Variants in PLCZ1 observed in about 807,000 individuals in gnomAD.
PLCZ1 encodes 1-phosphatidylinositol 4,5-bisphosphate phosphodiesterase zeta-1.
Under a neutral mutation model 76.8 loss-of-function variants are expected in PLCZ1, and 64 were observed. That is an observed-to-expected ratio of 0.83 (90% confidence interval 0.68 to 1.03). PLCZ1 has a LOEUF of 1.03. Ranked by LOEUF, PLCZ1 falls within the 50% of genes least tolerant of loss-of-function variation. The probability of loss-of-function intolerance (pLI) is 0.00; values close to 1 mark genes in which losing one functional copy is unlikely to be tolerated. For missense variants in PLCZ1, 751 were observed against 713.7 expected (o/e 1.05, Z -0.60); for synonymous variants, 248 against 230.8 (o/e 1.07, Z -0.68).
chr12:18,673,361 A>G, the PLCZ1 span, among the ~76,000 whole-genome samples: 2 of 152,188 alleles, frequency 1.3e-5, no homozygotes, highest in East Asian at 3.9e-4. Context: ...CTGAGAAAAT[A>G]CTAGAATAGA....
the PLCZ1 span, among the ~76,000 whole-genome samples, chr12:18,676,006 T>C: frequency 2.4e-5 from 3 of 123,166 alleles, no homozygotes; most frequent in African/African-American, 7.4e-5. Flanking sequence ...CTTCTGAATC[T>C]ATTTAAAAAA....
chr12:18,693,641 G>C, intron 12 of PLCZ1: 1 of 1,562,924 alleles, frequency 6.4e-7, no homozygotes, highest in Non-Finnish European at 8.8e-7. Context: ...TGAAATTGAC[G>C]CCATTGGGAC....
At chr12:18,706,549 T>C (rs1316065699) in intron 6 of PLCZ1, among the ~76,000 whole-genome samples, 1 of 152,204 alleles carries the variant, frequency 6.6e-6, no homozygotes, top group African/African-American at 2.4e-5. Flanking sequence ...TGAAGGTGGC[T>C]CTACAAAGGT....
the PLCZ1 span, among the ~76,000 whole-genome samples, chr12:18,653,092 C>A: frequency 8.6e-5 from 13 of 151,980 alleles, no homozygotes; most frequent in African/African-American, 3.1e-4. Context: ...TCTCAAAAAG[C>A]ACAGGCTGGA....
intron 4 of PLCZ1, among the ~76,000 whole-genome samples, chr12:18,721,692 T>G (rs1346829390): frequency 6.6e-6 from 1 of 150,544 alleles, no homozygotes; most frequent in Non-Finnish European, 1.5e-5. Context: ...AATTCACTAC[T>G]TCCTTAGAGA....
chr12:18,719,355 T>A (rs1958301954), intron 5 of PLCZ1, 76 bp downstream of exon 5: 1 of 819,910 alleles, frequency 1.2e-6, no homozygotes, highest in Non-Finnish European at 1.8e-6. Flanking sequence ...TTGTGCACTC[T>A]TGCCTACTGA....
At chr12:18,731,759 G>T (rs1286954885) in intron 3 of PLCZ1, among the ~76,000 whole-genome samples, 1 of 151,998 alleles carries the variant, frequency 6.6e-6, no homozygotes, top group Admixed American at 6.6e-5. Flanking sequence ...GGATTGGCCA[G>T]TGTAGCTTTC....
chr12:18,673,808 T>G, the PLCZ1 span, among the ~76,000 whole-genome samples: 1 of 152,184 alleles, frequency 6.6e-6, no homozygotes, highest in Non-Finnish European at 1.5e-5. Flanking sequence ...CACAAACTGT[T>G]GGACTCAGGG....
At chr12:18,667,969 C>T in the PLCZ1 span, among the ~76,000 whole-genome samples, 1 of 151,736 alleles carries the variant, frequency 6.6e-6, no homozygotes, top group Non-Finnish European at 1.5e-5. Context: ...GGAGAAGCAA[C>T]AACAACAAAA....
chr12:18,733,668 TCATTTTTTA>T (rs1168798144), intron 3 of PLCZ1, among the ~76,000 whole-genome samples: 1 of 152,192 alleles, frequency 6.6e-6, no homozygotes, highest in Non-Finnish European at 1.5e-5. Flanking sequence ...GAGTCCAATT[TCATTTTTTA>T]CATGCGAATA....
At chr12:18,663,486 T>A in the PLCZ1 span, among the ~76,000 whole-genome samples, 1 of 152,168 alleles carries the variant, frequency 6.6e-6, no homozygotes, top group Non-Finnish European at 1.5e-5. Flanking sequence ...ATGCAAATAC[T>A]ATGCTATTTT....
At chr12:18,706,906 A>G (rs1216203331) in intron 6 of PLCZ1, among the ~76,000 whole-genome samples, 13 of 152,208 alleles carry the variant, frequency 8.5e-5, no homozygotes, top group Admixed American at 5.2e-4. Context: ...CTGGTCTCAA[A>G]TCAAGGTGTT....
At chr12:18,677,423 A>G in the PLCZ1 span, among the ~76,000 whole-genome samples, 2 of 152,212 alleles carry the variant, frequency 1.3e-5, no homozygotes, top group East Asian at 3.9e-4. Context: ...CTCAAATCTG[A>G]GCATGCATCT....
chr12:18,673,377 T>A, the PLCZ1 span, among the ~76,000 whole-genome samples: 1 of 152,002 alleles, frequency 6.6e-6, no homozygotes, highest in Non-Finnish European at 1.5e-5. Flanking sequence ...ATAGAAAAAT[T>A]TGTTGTTATA....
rs115260648 is a variant in PLCZ1, at chr12:18,706,544, G to A, written c.715-1229C>T. 6.8e-3 allele frequency among the ~76,000 whole-genome samples: 1,030 copies of A among 152,270 alleles called. 11 individuals are homozygous for A. The highest frequency in any genetic ancestry group is 0.023 in the African/African-American group (976 of 41,550). ...AGCAAAGGAGTTTTATTAAGTGAAG[G>A]TGGCTCTACAAAGGTATTTTCTGCC... On this transcript the variant is annotated intron_variant, in intron 6 of 14. Coordinates refer to ENST00000266505, the MANE Select transcript of PLCZ1 (RefSeq NM_033123.4).
At chr12:18,670,271 T>G in the PLCZ1 span, among the ~76,000 whole-genome samples, 1 of 151,782 alleles carries the variant, frequency 6.6e-6, no homozygotes, top group Admixed American at 6.6e-5. Context: ...TTCTCCACAA[T>G]TACAGAAATT....
At chr12:18,696,040 G>T in intron 11 of PLCZ1, 110 bp downstream of exon 11, 1 of 614,614 alleles carries the variant, frequency 1.6e-6, no homozygotes, top group Non-Finnish European at 2.9e-6. Context: ...AAAGCCCCCG[G>T]GCTAAAAAAT....
At chr12:18,688,018 T>C (rs1953426529) in intron 13 of PLCZ1, 71 bp downstream of exon 13, 1 of 1,575,644 alleles carries the variant, frequency 6.3e-7, no homozygotes. Context: ...AAAAACTCTA[T>C]CAACATATAA....
the PLCZ1 span, among the ~76,000 whole-genome samples, chr12:18,655,848 A>C: frequency 6.6e-6 from 1 of 151,996 alleles, no homozygotes; most frequent in South Asian, 2.1e-4. Flanking sequence ...CATAAAAAGC[A>C]AAGAATGCCT....
Sources: allele counts gnomAD v4.1 joint callset (sites outside exome capture counted in the v4.1 genomes callset), GRCh38; gene constraint gnomAD v4.1.1; transcripts MANE v1.5; gene names NCBI Gene and HGNC (gene_info 2026-07-23, HGNC 2026-07-21).